The following COL5A2 variants were observed in gnomAD, a reference collection of about 807,000 sequenced individuals.
COL5A2 encodes collagen alpha-2(V) chain.
A neutral mutation model predicts 208.2 loss-of-function variants in COL5A2; 23 were observed. That is an observed-to-expected ratio of 0.11 (90% CI 0.08 to 0.16). COL5A2 has a LOEUF of 0.16. Ranked by LOEUF, COL5A2 falls within the 10% of genes least tolerant of loss-of-function variation. The pLI is 1.00. For missense variants in COL5A2, 1,590 were observed against 1,956.4 expected (o/e 0.81, Z 3.53); for synonymous variants, 625 against 628.5 (o/e 0.99, Z 0.08).
chr2:189,228,373 C>T (rs756084845), upstream of COL5A2, among the ~76,000 whole-genome samples: 101 of 151,592 alleles, frequency 6.7e-4, no homozygotes, highest in Middle Eastern at 0.01. Context: ...AATTAATTGG[C>T]CTTTTGAAAA....
chr2:189,435,661 A>C, the COL5A2 span, among the ~76,000 whole-genome samples: 1 of 152,232 alleles, frequency 6.6e-6, no homozygotes, highest in Non-Finnish European at 1.5e-5. Context: ...GACAATCATT[A>C]AAAAGTCAGG....
the COL5A2 span, among the ~76,000 whole-genome samples, chr2:189,419,857 G>T: frequency 1.3e-5 from 2 of 149,642 alleles, no homozygotes; most frequent in Non-Finnish European, 3.0e-5. Context: ...GAAAGGAAAA[G>T]AGGTGAGAGG....
chr2:189,219,300 A>C (rs1689318235), intron 1 of COL5A2, among the ~76,000 whole-genome samples: 1 of 152,252 alleles, frequency 6.6e-6, no homozygotes, highest in Non-Finnish European at 1.5e-5. Flanking sequence ...CAAAAACATT[A>C]ACATAAAAAA....
chr2:189,332,975 AAG>A, the COL5A2 span, among the ~76,000 whole-genome samples: 1 of 152,226 alleles, frequency 6.6e-6, no homozygotes, highest in Admixed American at 6.5e-5. Flanking sequence ...CATGGATCAA[AAG>A]AGAAATCACG....
chr2:189,416,486 TCA>T, the COL5A2 span, among the ~76,000 whole-genome samples: 2 of 152,086 alleles, frequency 1.3e-5, no homozygotes, highest in Non-Finnish European at 2.9e-5. Context: ...CCGCATGTTC[TCA>T]CTCATAGGTG....
At chr2:189,074,724 C>G (rs1166494165) in intron 17 of COL5A2, among the ~76,000 whole-genome samples, 1 of 152,202 alleles carries the variant, frequency 6.6e-6, no homozygotes, top group African/African-American at 2.4e-5. Context: ...AACCAGAAAT[C>G]TACTGGGCCA....
chr2:189,281,683 A>G, the COL5A2 span, among the ~76,000 whole-genome samples: 1 of 152,208 alleles, frequency 6.6e-6, no homozygotes, highest in Non-Finnish European at 1.5e-5. Context: ...TAATTCATTT[A>G]ACAAATATTT....
At chr2:189,332,553 A>C in the COL5A2 span, among the ~76,000 whole-genome samples, 1 of 152,052 alleles carries the variant, frequency 6.6e-6, no homozygotes, top group East Asian at 1.9e-4. Flanking sequence ...CATAATAGTG[A>C]ATAAGTCTCA....
intron 1 of COL5A2, among the ~76,000 whole-genome samples, chr2:189,176,874 C>T (rs1559137807): frequency 1.3e-5 from 2 of 152,302 alleles, no homozygotes; most frequent in Non-Finnish European, 2.9e-5. Flanking sequence ...GCCCAACTCC[C>T]AAACTTTCTC....
At chr2:189,337,232 G>C in the COL5A2 span, among the ~76,000 whole-genome samples, 83,331 of 146,954 alleles carry the variant, frequency 0.57, 25,510 homozygotes, top group East Asian at 0.71. Flanking sequence ...GCCCAGGCTG[G>C]AGTGCAGTGG....
At chr2:189,072,877 A>G (rs1006201711) in intron 17 of COL5A2, among the ~76,000 whole-genome samples, 1 of 152,104 alleles carries the variant, frequency 6.6e-6, no homozygotes, top group African/African-American at 2.4e-5. Context: ...CATGCATAGA[A>G]TTTAAACCAT....
chr2:189,048,087 G>T, intron 45 of COL5A2, 122 bp downstream of exon 45: 2 of 845,724 alleles, frequency 2.4e-6, no homozygotes, highest in East Asian at 2.6e-5. Context: ...AGAAACAGTT[G>T]TTATTCAGAA....
At chr2:189,057,990 T>C (rs764398804) in intron 33 of COL5A2, among the ~76,000 whole-genome samples, 1 of 152,214 alleles carries the variant, frequency 6.6e-6, no homozygotes, top group Non-Finnish European at 1.5e-5. Context: ...TTATGATGCA[T>C]TATATTTTCA....
In COL5A2 at chr2:189,053,965, A is replaced by C. The variant is rs774566945; in HGVS notation, c.2446-17T>G. On this transcript the variant is annotated splice_polypyrimidine_tract_variant and intron_variant, in intron 36 of 53. Coordinates refer to ENST00000374866, the MANE Select transcript of COL5A2 (RefSeq NM_000393.5). Reference sequence around the variant, plus strand: ...AGGTTCACCCTAGAAAGCAGATTTTAGATGGTTACTGTCCAAAACAGTAGC... The same window carrying C: ...AGGTTCACCCTAGAAAGCAGATTTTCGATGGTTACTGTCCAAAACAGTAGC... 2.5e-5 allele frequency: 41 copies of C among 1,613,106 alleles called. No individual in the cohort carries two copies. Among genetic ancestry groups the C allele is most frequent in the Non-Finnish European group, 3.1e-5 (37 of 1,179,242 alleles).
chr2:189,116,116 T>C (rs1315054640), intron 1 of COL5A2, among the ~76,000 whole-genome samples: 2 of 152,142 alleles, frequency 1.3e-5, no homozygotes, highest in East Asian at 3.9e-4. Flanking sequence ...TGGGCTACCA[T>C]TACTTAAAGT....
the COL5A2 span, among the ~76,000 whole-genome samples, chr2:189,240,931 T>A: frequency 6.6e-6 from 1 of 152,178 alleles, no homozygotes; most frequent in African/African-American, 2.4e-5. Flanking sequence ...AGAACCATAT[T>A]AATAACATTT....
chr2:189,417,113 T>G, the COL5A2 span, among the ~76,000 whole-genome samples: 2 of 152,190 alleles, frequency 1.3e-5, no homozygotes, highest in Non-Finnish European at 2.9e-5. Context: ...TCCCCTAAAT[T>G]TTAAACGTTC....
At chr2:189,306,254 ACTGAGGGACTT>A in the COL5A2 span, among the ~76,000 whole-genome samples, 1 of 152,136 alleles carries the variant, frequency 6.6e-6, no homozygotes, top group Non-Finnish European at 1.5e-5. Flanking sequence ...TTAATCACCC[ACTGAGGGACTT>A]GAGCACATCT....
intron 1 of COL5A2, among the ~76,000 whole-genome samples, chr2:189,193,308 T>C (rs186414767): frequency 6.6e-6 from 1 of 152,208 alleles, no homozygotes; most frequent in African/African-American, 2.4e-5. Context: ...AAGAACAAAT[T>C]TGGAGGGAAA....
Sources: allele counts gnomAD v4.1 joint callset (sites outside exome capture counted in the v4.1 genomes callset), GRCh38; gene constraint gnomAD v4.1.1; transcripts MANE v1.5; gene names NCBI Gene and HGNC (gene_info 2026-07-23, HGNC 2026-07-21).